EIPR1: variants seen among roughly 807,000 people sequenced by gnomAD.
EIPR1 encodes EARP and GARP complex-interacting protein 1.
Under a neutral mutation model 48.1 loss-of-function variants are expected in EIPR1, and 25 were observed. The observed-to-expected ratio is 0.52, with a 90% CI of 0.38 to 0.73. The LOEUF is 0.73. EIPR1 is among the 30% of genes least tolerant of loss of function. EIPR1 has a pLI of 0.00. For missense variants in EIPR1, 415 were observed against 506.2 expected (o/e 0.82, Z 1.73); for synonymous variants, 204 against 201.9 (o/e 1.01, Z -0.09).
chr2:3,215,177 C>T (rs545453055), intron 4 of EIPR1, among the ~76,000 whole-genome samples: 2 of 152,250 alleles, frequency 1.3e-5, no homozygotes, highest in Non-Finnish European at 2.9e-5. Flanking sequence ...GGAATGGACA[C>T]TGACCAGCAG....
intron 3 of EIPR1, among the ~76,000 whole-genome samples, chr2:3,310,243 G>A (rs376836144): frequency 6.6e-6 from 1 of 152,134 alleles, no homozygotes; most frequent in African/African-American, 2.4e-5. Context: ...TTCTGAAGAC[G>A]ACAAATGGTT....
intron 4 of EIPR1, among the ~76,000 whole-genome samples, chr2:3,252,367 G>A (rs1319794244): frequency 6.6e-6 from 1 of 152,200 alleles, no homozygotes; most frequent in African/African-American, 2.4e-5. Flanking sequence ...GAGGTGGGCG[G>A]ATCACCTGAG....
At chr2:3,326,616 C>G (rs1196427901) in intron 3 of EIPR1, among the ~76,000 whole-genome samples, 1 of 152,172 alleles carries the variant, frequency 6.6e-6, no homozygotes, top group Non-Finnish European at 1.5e-5. Flanking sequence ...CAGGGTGTGA[C>G]AGAAGAAGCG....
intron 1 of EIPR1, among the ~76,000 whole-genome samples, chr2:3,371,767 C>A (rs936103793): frequency 4.1e-4 from 62 of 152,088 alleles, no homozygotes; most frequent in African/African-American, 1.4e-3. Flanking sequence ...ACTTAGACTC[C>A]CACACAATAA....
At chr2:3,233,215 T>C (rs896719720) in intron 4 of EIPR1, among the ~76,000 whole-genome samples, 5 of 152,200 alleles carry the variant, frequency 3.3e-5, no homozygotes, top group Admixed American at 2.6e-4. Flanking sequence ...CTTGCTTTTT[T>C]TTTTAACTTA....
intron 3 of EIPR1, among the ~76,000 whole-genome samples, chr2:3,310,610 G>A (rs1309489262): frequency 9.2e-5 from 12 of 131,014 alleles, no homozygotes; most frequent in East Asian, 2.4e-4. Context: ...CCGAGATCCC[G>A]CCACTGCACT....
intron 3 of EIPR1, among the ~76,000 whole-genome samples, chr2:3,271,151 G>T (rs1187633171): frequency 2.0e-5 from 3 of 152,070 alleles, no homozygotes; most frequent in Non-Finnish European, 4.4e-5. Context: ...CCATCTTCAG[G>T]CTCCACTTCT....
intron 4 of EIPR1, among the ~76,000 whole-genome samples, chr2:3,224,631 C>T (rs1320948044): frequency 2.0e-5 from 3 of 152,202 alleles, no homozygotes; most frequent in South Asian, 2.1e-4. Context: ...CTAGCAGAGG[C>T]TGAGCTGCCC....
intron 3 of EIPR1, among the ~76,000 whole-genome samples, chr2:3,284,952 G>A (rs981626768): frequency 2.0e-5 from 3 of 152,294 alleles, no homozygotes; most frequent in Admixed American, 2.0e-4. Context: ...CTCTCCCCAA[G>A]AAAGAAGAAC....
At chr2:3,195,054 C>A (rs1412970325) in intron 6 of EIPR1, among the ~76,000 whole-genome samples, 8 of 152,266 alleles carry the variant, frequency 5.3e-5, no homozygotes, top group Non-Finnish European at 8.8e-5. Context: ...GACACGCACA[C>A]ACGCACTCAC....
intron 4 of EIPR1, chr2:3,214,484 C>T: frequency 4.8e-6 from 2 of 416,784 alleles, no homozygotes; most frequent in South Asian, 6.2e-5. Context: ...TAGCCCCCCA[C>T]CTGGTGTGAT....
At position 3,341,495 on chromosome 2, in the gene EIPR1, G is replaced by A. The variant is rs540204608; in HGVS notation, c.127-3346C>T. 1.5e-3 allele frequency among the ~76,000 whole-genome samples: 228 copies of A among 152,190 alleles called. 1 individual carries two copies. Among genetic ancestry groups the A allele is most frequent in the Non-Finnish European group, 2.2e-3 (150 of 67,990 alleles). ...AGTGCGTGTGTGGGAGCATGGGTACGTGGTCTATGCATGTATGTGTGCGGG... is the reference window on the plus strand; with the variant it reads ...AGTGCGTGTGTGGGAGCATGGGTACATGGTCTATGCATGTATGTGTGCGGG... On this transcript the variant is annotated intron_variant, in intron 2 of 8. Coordinates refer to ENST00000382125, the MANE Select transcript of EIPR1 (RefSeq NM_003310.5).
chr2:3,311,708 G>A (rs904159319), intron 3 of EIPR1, among the ~76,000 whole-genome samples: 2 of 151,596 alleles, frequency 1.3e-5, no homozygotes, highest in African/African-American at 2.4e-5. Context: ...GGCGCCAGGG[G>A]CCTCCAGTCA....
intron 1 of EIPR1, among the ~76,000 whole-genome samples, chr2:3,376,791 A>C (rs1198849966): frequency 1.3e-5 from 2 of 151,998 alleles, no homozygotes; most frequent in African/African-American, 2.4e-5. Flanking sequence ...CTGTGTTTCT[A>C]TCTCTCTATC....
At chr2:3,224,511 ACT>A (rs1344535313) in intron 4 of EIPR1, among the ~76,000 whole-genome samples, 1 of 152,010 alleles carries the variant, frequency 6.6e-6, no homozygotes, top group East Asian at 1.9e-4. Flanking sequence ...CTGACTGGAC[ACT>A]CTATCACAAG....
chr2:3,255,420 T>A (rs1352877369), intron 4 of EIPR1, among the ~76,000 whole-genome samples: 2 of 152,184 alleles, frequency 1.3e-5, no homozygotes, highest in Admixed American at 1.3e-4. Context: ...TGACCTCAGG[T>A]GATCCACCCA....
At chr2:3,260,118 T>C (rs553986120) in intron 3 of EIPR1, among the ~76,000 whole-genome samples, 388 of 152,314 alleles carry the variant, frequency 2.5e-3, no homozygotes, top group Non-Finnish European at 4.4e-3. Context: ...CAAAAGACCC[T>C]ATTAATTGGA....
chr2:3,226,443 G>A (rs1666068416), intron 4 of EIPR1, among the ~76,000 whole-genome samples: 1 of 152,142 alleles, frequency 6.6e-6, no homozygotes, highest in Non-Finnish European at 1.5e-5. Context: ...CTATTCAAGT[G>A]CTTTGCTCAT....
At chr2:3,270,287 C>T (rs1200584954) in intron 3 of EIPR1, among the ~76,000 whole-genome samples, 4 of 152,224 alleles carry the variant, frequency 2.6e-5, no homozygotes, top group African/African-American at 7.2e-5. Flanking sequence ...TCTCAGAAGA[C>T]CTGCTCCATG....
Sources: gnomAD v4.1 joint callset for allele counts (sites outside exome capture counted in the v4.1 genomes callset) on GRCh38, gnomAD v4.1.1 for gene constraint, MANE v1.5 for transcripts, NCBI Gene and HGNC (gene_info 2026-07-23, HGNC 2026-07-21) for gene names.